Variants in C10orf90 observed in about 807,000 individuals in gnomAD.
C10orf90 encodes chromosome 10 open reading frame 90, also known as (E2-independent) E3 ubiquitin-conjugating enzyme FATS.
In C10orf90, 56 loss-of-function variants were observed where a neutral mutation model predicts 62.5. The observed-to-expected ratio is 0.90, with a 90% CI of 0.72 to 1.12. The LOEUF (loss-of-function observed/expected upper bound fraction) is 1.12, where lower values mean the gene tolerates loss of function less well. Ranked by LOEUF, C10orf90 falls within the 50% of genes most tolerant of loss-of-function variation. The pLI, the probability that C10orf90 is intolerant of heterozygous loss-of-function variation, is 0.00. For synonymous variants in C10orf90, 386 were observed against 340.4 expected, an observed-to-expected ratio of 1.13 and a Z score of -1.47; for missense variants, 970 against 880.4, an observed-to-expected ratio of 1.10 and a Z score of -1.29.
chr10:126,643,264 G>A (rs1846101197), intron 2 of C10orf90, among the ~76,000 whole-genome samples: 1 of 152,202 alleles, frequency 6.6e-6, no homozygotes, highest in Admixed American at 6.5e-5. Flanking sequence ...TTAAAACAGA[G>A]TGAGTCCCCT....
intron 3 of C10orf90, among the ~76,000 whole-genome samples, chr10:126,508,158 T>TGAGAGAGAGAGAGAGAGAGA (rs57143666): frequency 6.1e-5 from 8 of 131,522 alleles, no homozygotes; most frequent in Admixed American, 2.2e-4. Flanking sequence ...AATGAGTGAG[T>TGAGAGAGAGAGAGAGAGAGA]GAGAGAGAGA....
At chr10:126,435,296 C>T (rs1447248085) in intron 7 of C10orf90, among the ~76,000 whole-genome samples, 1 of 152,182 alleles carries the variant, frequency 6.6e-6, no homozygotes, top group Non-Finnish European at 1.5e-5. Flanking sequence ...GCCAGAGAGT[C>T]TCCAGAAAAA....
chr10:126,598,121 A>C (rs1330040469), intron 2 of C10orf90, among the ~76,000 whole-genome samples: 1 of 152,188 alleles, frequency 6.6e-6, no homozygotes, highest in Admixed American at 6.5e-5. Flanking sequence ...GAAGGCTAAC[A>C]TGACCCACCC....
Position 126,642,335 on chromosome 10 carries a change from A to C in C10orf90, c.313+4230T>G, listed in dbSNP as rs2576006. Among the ~76,000 whole-genome samples the C allele has an allele frequency of 3.9e-5, 6 of 152,200 alleles. 1 individual carries two copies. The highest frequency in any genetic ancestry group is 4.2e-4 in the South Asian group (2 of 4,818). ...ATCACGAGGTCGGGAGATCGAGACC[A>C]TCCTGGCTAACATGGTGAAACCCCG... is the stretch of plus-strand genomic sequence containing the variant. On this transcript the variant is annotated intron_variant, in intron 2 of 9. Transcript: ENST00000488181.
At chr10:126,635,183 G>A (rs1491001447) in intron 2 of C10orf90, among the ~76,000 whole-genome samples, 2 of 152,186 alleles carry the variant, frequency 1.3e-5, no homozygotes. Flanking sequence ...GCCAGCACTG[G>A]TATGAAGGTT....
chr10:126,534,993 G>A (rs1864194782), intron 2 of C10orf90, among the ~76,000 whole-genome samples: 1 of 152,122 alleles, frequency 6.6e-6, no homozygotes, highest in African/African-American at 2.4e-5. Context: ...CAGAGCATCT[G>A]AGACCACATT....
chr10:126,501,949 A>G (rs948224947), intron 4 of C10orf90, among the ~76,000 whole-genome samples: 5 of 151,580 alleles, frequency 3.3e-5, no homozygotes, highest in African/African-American at 1.2e-4. Context: ...ATAAACACAC[A>G]CACACACACC....
At chr10:126,627,871 C>A (rs892217596) in intron 2 of C10orf90, among the ~76,000 whole-genome samples, 1 of 152,148 alleles carries the variant, frequency 6.6e-6, no homozygotes, top group African/African-American at 2.4e-5. Context: ...TATCGGCATG[C>A]GCCTCTGTGC....
chr10:126,554,595 T>G (rs1044480484), intron 2 of C10orf90, among the ~76,000 whole-genome samples: 1 of 152,210 alleles, frequency 6.6e-6, no homozygotes, highest in Non-Finnish European at 1.5e-5. Flanking sequence ...TAGCAATCAC[T>G]CAAAAAATTA....
intron 4 of C10orf90, among the ~76,000 whole-genome samples, chr10:126,502,986 G>A (rs1862491491): frequency 6.6e-6 from 1 of 152,162 alleles, no homozygotes; most frequent in African/African-American, 2.4e-5. Context: ...AACTTTAAAT[G>A]TTTTACAGTC....
intron 2 of C10orf90, among the ~76,000 whole-genome samples, chr10:126,625,041 C>A (rs1845715296): frequency 6.6e-6 from 1 of 152,154 alleles, no homozygotes; most frequent in Admixed American, 6.5e-5. Context: ...GGTCTGGGGC[C>A]CCCGTCCATG....
chr10:126,661,754 C>T (rs1591182977), intron 1 of C10orf90, among the ~76,000 whole-genome samples: 1 of 151,868 alleles, frequency 6.6e-6, no homozygotes, highest in South Asian at 2.1e-4. Context: ...GTTAATCCCA[C>T]CCAGTAAAAT....
rs375882743 is a variant in C10orf90 at position 126,504,277 on chromosome 10, C to A, written c.1214G>T (p.Gly405Val). 42 of 1,614,194 alleles carry A rather than the reference C, an allele frequency of 2.6e-5. No homozygotes were observed. The highest frequency in any genetic ancestry group is 3.4e-5 in the Non-Finnish European group (40 of 1,180,036). The change falls in exon 4 of 10, where the codon GGC becomes GTC. Residue 405 changes from glycine (G) to valine (V), a missense_variant. Coordinates refer to ENST00000488181, the MANE Select transcript of C10orf90 (RefSeq NM_001350921.2). This position sits in a 1 kb window ranked among gnomAD's most constrained non-coding sequence, Gnocchi z 4.1. ...SHRLTADGVDGLVNREPISEA... is the reference protein window; with the variant it reads ...SHRLTADGVDVLVNREPISEA... ...GCTTATTGGCTCTCTGTTCACTAGGCCATCTACTCCATCTGCTGTTAATCT... is the reference window on the plus strand; with the variant it reads ...GCTTATTGGCTCTCTGTTCACTAGGACATCTACTCCATCTGCTGTTAATCT...
chr10:126,530,674 A>G (rs932863127), intron 2 of C10orf90, among the ~76,000 whole-genome samples: 4 of 152,160 alleles, frequency 2.6e-5, no homozygotes, highest in Non-Finnish European at 4.4e-5. Flanking sequence ...AATGAGAAGG[A>G]AGAAACCAAA....
chr10:126,578,469 C>G (rs1037246807), intron 2 of C10orf90, among the ~76,000 whole-genome samples: 2 of 152,140 alleles, frequency 1.3e-5, no homozygotes, highest in African/African-American at 4.8e-5. Context: ...TAAAAAGAAA[C>G]AGTTGGAAAA....
chr10:126,651,679 T>A (rs1030979044), intron 1 of C10orf90, among the ~76,000 whole-genome samples: 7 of 152,128 alleles, frequency 4.6e-5, no homozygotes, highest in Non-Finnish European at 5.9e-5. Context: ...CCAGAGTCTA[T>A]ACAGAACACT....
intron 2 of C10orf90, among the ~76,000 whole-genome samples, chr10:126,527,654 CACCTAA>C (rs1863985915): frequency 6.6e-6 from 1 of 152,184 alleles, no homozygotes; most frequent in South Asian, 2.1e-4. Flanking sequence ...TTAGACAAGT[CACCTAA>C]CTTCTCTAGG....
chr10:126,566,460 A>G (rs985638738), intron 2 of C10orf90, among the ~76,000 whole-genome samples: 2 of 152,194 alleles, frequency 1.3e-5, no homozygotes, highest in African/African-American at 4.8e-5. Flanking sequence ...AGTGAGTTCC[A>G]CAATGGAAAC....
At chr10:126,584,938 A>G (rs1844830083) in intron 2 of C10orf90, among the ~76,000 whole-genome samples, 2 of 151,934 alleles carry the variant, frequency 1.3e-5, no homozygotes, top group African/African-American at 2.4e-5. Context: ...ACACATACAC[A>G]TGCACTACCC....
Sources: allele counts gnomAD v4.1 joint callset (sites outside exome capture counted in the v4.1 genomes callset), GRCh38; gene constraint gnomAD v4.1.1; non-coding constraint Gnocchi (gnomAD v3.1); transcripts MANE v1.5; gene names NCBI Gene and HGNC (gene_info 2026-07-23, HGNC 2026-07-21).